L3MBTL4: variants seen among roughly 807,000 people sequenced by gnomAD.
L3MBTL4 encodes the protein lethal(3)malignant brain tumor-like protein 4.
Under a neutral mutation model 84.5 loss-of-function variants are expected in L3MBTL4, and 70 were observed. The observed-to-expected ratio is 0.83, with a 90% CI of 0.68 to 1.01. L3MBTL4 has a LOEUF of 1.01. Ranked by LOEUF, L3MBTL4 falls within the 50% of genes least tolerant of loss-of-function variation. The pLI is 0.00. For synonymous variants in L3MBTL4, 274 were observed against 259.8 expected, an observed-to-expected ratio of 1.05 and a Z score of -0.52; for missense variants, 715 against 754.8, an observed-to-expected ratio of 0.95 and a Z score of 0.62.
At chr18:6,228,734 G>A (rs1016885509) in intron 10 of L3MBTL4, among the ~76,000 whole-genome samples, 4 of 152,112 alleles carry the variant, frequency 2.6e-5, no homozygotes, top group African/African-American at 9.7e-5. Flanking sequence ...AGGAGAGCCT[G>A]TGAAATGTCC....
At chr18:6,099,488 T>C (rs1045724287) in intron 14 of L3MBTL4, among the ~76,000 whole-genome samples, 4 of 149,830 alleles carry the variant, frequency 2.7e-5, no homozygotes, top group African/African-American at 9.7e-5. Flanking sequence ...TTTTAACATC[T>C]GCTGAGGATG....
At chr18:6,285,241 G>A (rs1445348260) in intron 4 of L3MBTL4, among the ~76,000 whole-genome samples, 1 of 152,142 alleles carries the variant, frequency 6.6e-6, no homozygotes, top group East Asian at 1.9e-4. Flanking sequence ...TGCCAGGGAG[G>A]GGTTGGTGGC....
Position 5,955,831 on chromosome 18 carries a change from T to A in L3MBTL4, c.*389A>T, listed in dbSNP as rs1355423773. 1 of 164,508 alleles carries A rather than the reference T, an allele frequency of 6.1e-6. No homozygotes were observed. The highest frequency in any genetic ancestry group is 1.8e-4 in the East Asian group (1 of 5,654). The allele number at this position is 164,508 out of a possible 1,614,324, so 10.2% of individuals were successfully genotyped here. ...CTCTGGTAAAAACATTAACGATGTATTCATGAACACTGCTTTTCTAATATT... is the reference window on the plus strand; with the variant it reads ...CTCTGGTAAAAACATTAACGATGTAATCATGAACACTGCTTTTCTAATATT... On this transcript the variant is annotated 3_prime_UTR_variant, in exon 19 of 19. Transcript: ENST00000317931.
intron 1 of L3MBTL4, among the ~76,000 whole-genome samples, chr18:6,379,925 C>T (rs1249899888): frequency 2.6e-5 from 4 of 152,148 alleles, no homozygotes; most frequent in Non-Finnish European, 5.9e-5. Context: ...TGGTAGAATT[C>T]AGCTGTGAAT....
chr18:6,076,802 A>G (rs1389985756), intron 16 of L3MBTL4, among the ~76,000 whole-genome samples: 1 of 152,238 alleles, frequency 6.6e-6, no homozygotes, highest in Non-Finnish European at 1.5e-5. Flanking sequence ...AGCATTAATT[A>G]AAGGTTTGGG....
chr18:6,258,490 G>A (rs2048254696), intron 5 of L3MBTL4, among the ~76,000 whole-genome samples: 1 of 152,176 alleles, frequency 6.6e-6, no homozygotes, highest in African/African-American at 2.4e-5. Flanking sequence ...GCTGACATGA[G>A]GGAACTGGGC....
At chr18:6,121,338 C>T (rs1165599352) in intron 14 of L3MBTL4, among the ~76,000 whole-genome samples, 6 of 152,236 alleles carry the variant, frequency 3.9e-5, no homozygotes, top group South Asian at 4.2e-4. Flanking sequence ...TATAAATAGG[C>T]GATGCACCTC....
chr18:6,268,954 C>G (rs2048750737), intron 4 of L3MBTL4, among the ~76,000 whole-genome samples: 1 of 152,172 alleles, frequency 6.6e-6, no homozygotes, highest in East Asian at 1.9e-4. Context: ...GGAGATCACA[C>G]AGTTCACACA....
At chr18:5,988,641 T>C (rs77280795) in intron 16 of L3MBTL4, among the ~76,000 whole-genome samples, 3,687 of 152,008 alleles carry the variant, frequency 0.024, 138 homozygotes, top group African/African-American at 0.084. Context: ...TGAGTCAATA[T>C]ATGTATGTAC....
intron 14 of L3MBTL4, among the ~76,000 whole-genome samples, chr18:6,128,152 GAA>G (rs201894562): frequency 0.031 from 4,682 of 148,974 alleles, 107 homozygotes; most frequent in Middle Eastern, 0.12. Context: ...ACAAATCAGA[GAA>G]TAAGAATGTG....
chr18:6,047,636 A>T (rs1298955833), intron 16 of L3MBTL4, among the ~76,000 whole-genome samples: 4 of 152,220 alleles, frequency 2.6e-5, no homozygotes, highest in Non-Finnish European at 5.9e-5. Flanking sequence ...CATAAACAGA[A>T]TTAAAAACAA....
intron 1 of L3MBTL4, among the ~76,000 whole-genome samples, chr18:6,315,791 G>A (rs1309913386): frequency 2.0e-5 from 3 of 152,122 alleles, no homozygotes; most frequent in Non-Finnish European, 4.4e-5. Flanking sequence ...TCTGCATAGT[G>A]GCTTCATATT....
At chr18:6,169,733 G>A (rs903621189) in intron 13 of L3MBTL4, among the ~76,000 whole-genome samples, 4 of 151,276 alleles carry the variant, frequency 2.6e-5, no homozygotes, top group South Asian at 2.1e-4. Flanking sequence ...ATGCTAAATG[G>A]CGAGTTAATG....
chr18:5,994,345 A>T (rs2053847184), intron 16 of L3MBTL4, among the ~76,000 whole-genome samples: 1 of 152,240 alleles, frequency 6.6e-6, no homozygotes, highest in Non-Finnish European at 1.5e-5. Context: ...CTTAGCACAA[A>T]GCAGGTGCTC....
chr18:5,957,757 A>G (rs2095235192), intron 18 of L3MBTL4, among the ~76,000 whole-genome samples: 1 of 151,910 alleles, frequency 6.6e-6, no homozygotes, highest in Non-Finnish European at 1.5e-5. Flanking sequence ...CGAGTTTGAG[A>G]CCAGCCTGGC....
At chr18:6,285,056 G>A (rs1468087728) in intron 4 of L3MBTL4, among the ~76,000 whole-genome samples, 1 of 152,240 alleles carries the variant, frequency 6.6e-6, no homozygotes, top group African/African-American at 2.4e-5. Flanking sequence ...TCCGGAGGGC[G>A]TCGAGAGGAC....
At chr18:6,056,079 T>C (rs994740828) in intron 16 of L3MBTL4, among the ~76,000 whole-genome samples, 1 of 152,014 alleles carries the variant, frequency 6.6e-6, no homozygotes, top group Admixed American at 6.5e-5. Context: ...TGGATTTGGG[T>C]TGATATGTCC....
chr18:6,232,123 T>C (rs2047022880), intron 10 of L3MBTL4, among the ~76,000 whole-genome samples: 1 of 152,202 alleles, frequency 6.6e-6, no homozygotes, highest in Admixed American at 6.5e-5. Flanking sequence ...CAAATGCTTT[T>C]CTGCCTTAAT....
At chr18:5,995,550 G>A (rs984296690) in intron 16 of L3MBTL4, among the ~76,000 whole-genome samples, 1 of 152,170 alleles carries the variant, frequency 6.6e-6, no homozygotes. Flanking sequence ...TGTGTACCTA[G>A]CTTTGCTCTT....
Sources: allele counts gnomAD v4.1 joint callset (sites outside exome capture counted in the v4.1 genomes callset), GRCh38; gene constraint gnomAD v4.1.1; transcripts MANE v1.5; gene names NCBI Gene and HGNC (gene_info 2026-07-23, HGNC 2026-07-21).